The following NRG3 variants were observed in gnomAD, a reference collection of about 807,000 sequenced individuals.
The protein encoded by NRG3 is pro-neuregulin-3, membrane-bound isoform.
In NRG3, 31 loss-of-function variants were observed where a neutral mutation model predicts 66.9. The ratio of observed to expected loss-of-function variants is 0.46; its 90% CI spans 0.35 to 0.63. The LOEUF (loss-of-function observed/expected upper bound fraction) is 0.63. NRG3 is among the 20% of genes least tolerant of loss of function. The probability of loss-of-function intolerance (pLI) is 0.00; values close to 1 mark genes in which losing one functional copy is unlikely to be tolerated. For missense variants in NRG3, 910 were observed against 878.9 expected (o/e 1.04, Z -0.45); for synonymous variants, 393 against 359.4 (o/e 1.09, Z -1.06).
At chr10:82,970,600 C>A (rs1470535927) in intron 6 of NRG3, among the ~76,000 whole-genome samples, 1 of 152,142 alleles carries the variant, frequency 6.6e-6, no homozygotes, top group Non-Finnish European at 1.5e-5. Flanking sequence ...CAGTTGATTT[C>A]TGCCTTTATA....
intron 2 of NRG3, among the ~76,000 whole-genome samples, chr10:82,399,483 A>C (rs1447214081): frequency 6.6e-6 from 1 of 152,194 alleles, no homozygotes; most frequent in Non-Finnish European, 1.5e-5. Flanking sequence ...GTTGATGAAC[A>C]ATAGAAATTT....
intron 3 of NRG3, among the ~76,000 whole-genome samples, chr10:82,841,155 G>A (rs1057350348): frequency 6.6e-6 from 1 of 152,206 alleles, no homozygotes; most frequent in Middle Eastern, 3.4e-3. Flanking sequence ...GAACACAAAG[G>A]ATTGCTGCCA....
chr10:82,255,126 G>C (rs943204750), intron 1 of NRG3, among the ~76,000 whole-genome samples: 9 of 152,196 alleles, frequency 5.9e-5, no homozygotes, highest in Non-Finnish European at 8.8e-5. Flanking sequence ...TGATGAAAAT[G>C]GCACTTTACA....
At chr10:82,386,472 T>TA (rs2085996430) in intron 2 of NRG3, among the ~76,000 whole-genome samples, 1 of 152,236 alleles carries the variant, frequency 6.6e-6, no homozygotes, top group Non-Finnish European at 1.5e-5. Flanking sequence ...ATTGTCATCA[T>TA]AAATTCCTAA....
chr10:82,978,659 C>T (rs942321698), intron 7 of NRG3, among the ~76,000 whole-genome samples: 2 of 152,144 alleles, frequency 1.3e-5, no homozygotes, highest in Non-Finnish European at 2.9e-5. Context: ...CTTAAGTTCA[C>T]CTCTTACCTT....
At position 82,542,011 on chromosome 10, in the gene NRG3, C is replaced by A. The variant is rs1031998637; in HGVS notation, c.953+183143C>A. On this transcript the variant is annotated intron_variant, in intron 2 of 8. Coordinates refer to ENST00000372141, the MANE Select transcript of NRG3 (RefSeq NM_001010848.4). ...ATGGTGGTGTGCTGCACCTATCAACCCGTCATCTAGCTTTTAAGCCCCGCA... is the reference window on the plus strand; with the variant it reads ...ATGGTGGTGTGCTGCACCTATCAACACGTCATCTAGCTTTTAAGCCCCGCA... Among the ~76,000 whole-genome samples, 5 of 152,052 alleles carry A rather than the reference C, an allele frequency of 3.3e-5. No individual in the cohort carries two copies. In the East Asian group the frequency reaches 9.6e-4, roughly 29 times the overall value.
chr10:82,195,826 T>C (rs1418853835), intron 1 of NRG3, among the ~76,000 whole-genome samples: 3 of 152,146 alleles, frequency 2.0e-5, no homozygotes, highest in Admixed American at 6.5e-5. Context: ...GGACACAGCA[T>C]GAAAAGGACT....
intron 2 of NRG3, among the ~76,000 whole-genome samples, chr10:82,688,169 T>C (rs1733666418): frequency 6.6e-6 from 1 of 152,232 alleles, no homozygotes; most frequent in Admixed American, 6.5e-5. Flanking sequence ...TCCTCAGTCA[T>C]AGCTATTTAC....
intron 1 of NRG3, among the ~76,000 whole-genome samples, chr10:82,350,644 T>C (rs2083377020): frequency 1.3e-5 from 2 of 152,074 alleles, no homozygotes; most frequent in Non-Finnish European, 2.9e-5. Flanking sequence ...GTGTATGAGG[T>C]AAAGGGAATA....
intron 2 of NRG3, among the ~76,000 whole-genome samples, chr10:82,666,496 A>G (rs897777504): frequency 2.0e-5 from 3 of 152,064 alleles, no homozygotes; most frequent in African/African-American, 7.2e-5. Flanking sequence ...TCCCTCTGAC[A>G]CTACTCTTTC....
intron 4 of NRG3, among the ~76,000 whole-genome samples, chr10:82,930,140 C>A (rs1042691586): frequency 6.6e-6 from 1 of 152,092 alleles, no homozygotes; most frequent in African/African-American, 2.4e-5. Flanking sequence ...GTGTGAGTAG[C>A]ACGAGGCATT....
intron 2 of NRG3, among the ~76,000 whole-genome samples, chr10:82,520,591 ATT>A (rs1203138155): frequency 2.0e-5 from 3 of 152,152 alleles, no homozygotes; most frequent in South Asian, 4.1e-4. Flanking sequence ...CCTCAGGCCT[ATT>A]GGATTGGCCA....
intron 3 of NRG3, among the ~76,000 whole-genome samples, chr10:82,818,620 G>T (rs1028702030): frequency 6.6e-6 from 1 of 152,066 alleles, no homozygotes; most frequent in African/African-American, 2.4e-5. Flanking sequence ...GAGGGTGGGG[G>T]AGTCTTTCTT....
rs373013230 is a variant in NRG3, at chr10:81,907,422, G to GGAT, written c.823+31276_823+31278dup. Reference sequence around the variant, plus strand: ...TTTCTCTGATGGAAACTGAAATAGTGGATGATGATGATGATGATGGAAATT... The same window carrying GGAT: ...TTTCTCTGATGGAAACTGAAATAGTGGATGATGATGATGATGATGATGGAAATT... On this transcript the variant is annotated intron_variant, in intron 1 of 8. Coordinates refer to ENST00000372141, the MANE Select transcript of NRG3 (RefSeq NM_001010848.4). Among the ~76,000 whole-genome samples the GGAT allele has an allele frequency of 1.1e-4, 17 of 152,158 alleles. No individual in the cohort carries two copies. The South Asian group carries it at 2.1e-3, about 19-fold the overall frequency.
intron 4 of NRG3, among the ~76,000 whole-genome samples, chr10:82,941,868 T>C (rs1339182307): frequency 6.6e-6 from 1 of 152,220 alleles, no homozygotes; most frequent in Non-Finnish European, 1.5e-5. Context: ...GGTTGATTTT[T>C]AGAATGACTA....
In NRG3 at chr10:82,095,098, C is replaced by A. The variant is rs72825437; in HGVS notation, c.823+218935C>A. On this transcript the variant is annotated intron_variant, in intron 1 of 8. Coordinates refer to ENST00000372141, the MANE Select transcript of NRG3 (RefSeq NM_001010848.4). ...CCTTTTCCTGGAAGCTTTCTCACAT[C>A]CTACTGTGTGAAATTTGGATGCTTT... Among the ~76,000 whole-genome samples, 217 of 152,148 alleles carry A rather than the reference C, an allele frequency of 1.4e-3. 1 individual carries two copies. Among genetic ancestry groups the A allele is most frequent in the Non-Finnish European group, 2.2e-3 (148 of 68,002 alleles).
At chr10:82,075,578 G>A (rs1445099360) in intron 1 of NRG3, among the ~76,000 whole-genome samples, 1 of 152,088 alleles carries the variant, frequency 6.6e-6, no homozygotes, top group Non-Finnish European at 1.5e-5. Flanking sequence ...TAGTGTGACT[G>A]GGGAGAATGG....
At chr10:82,405,449 C>T in intron 2 of NRG3, among the ~76,000 whole-genome samples, 1 of 127,408 alleles carries the variant, frequency 7.8e-6, no homozygotes, top group Non-Finnish European at 1.6e-5. Flanking sequence ...GGAATGATCT[C>T]AGTAGTTTGT....
At chr10:82,644,244 T>C (rs2050785233) in intron 2 of NRG3, among the ~76,000 whole-genome samples, 1 of 152,126 alleles carries the variant, frequency 6.6e-6, no homozygotes, top group Admixed American at 6.6e-5. Context: ...CCTGATTCTT[T>C]CCAGCAGTCA....
Sources: allele counts gnomAD v4.1 joint callset (sites outside exome capture counted in the v4.1 genomes callset), GRCh38; gene constraint gnomAD v4.1.1; transcripts MANE v1.5; gene names NCBI Gene and HGNC (gene_info 2026-07-23, HGNC 2026-07-21).